Variants in GATAD2B observed in about 807,000 individuals in gnomAD.
The protein encoded by GATAD2B is transcriptional repressor p66-beta.
Under a neutral mutation model 64.3 loss-of-function variants are expected in GATAD2B, and 8 were observed. The observed-to-expected ratio is 0.12, with a 90% CI of 0.07 to 0.22. The LOEUF (loss-of-function observed/expected upper bound fraction) is 0.22. Among genes scored for constraint, GATAD2B ranks in the 10% least tolerant of loss-of-function variants. GATAD2B has a pLI of 1.00. For missense variants in GATAD2B, 453 were observed against 752.0 expected (o/e 0.60, Z 4.65); for synonymous variants, 281 against 271.3 (o/e 1.04, Z -0.35).
At position 153,892,387 on chromosome 1, in the gene GATAD2B, A is replaced by G. The variant is rs987673512; in HGVS notation, c.-2+30346T>C. The stretch of plus-strand genomic sequence containing the variant: ...AGCTGACCAAATATTAAACATACTA[A>G]TAAGTATTCCCTCCTATTGAATCCA... On this transcript the variant is annotated intron_variant, in intron 1 of 10. Coordinates refer to ENST00000368655, the MANE Select transcript of GATAD2B (RefSeq NM_020699.4). 9.9e-5 allele frequency among the ~76,000 whole-genome samples: 15 copies of G among 152,250 alleles called. 1 individual carries two copies. The highest frequency in any genetic ancestry group is 2.2e-4 in the African/African-American group (9 of 41,570).
In GATAD2B at chr1:153,902,890, T is replaced by C. The variant is rs183977610; in HGVS notation, c.-2+19843A>G. Among the ~76,000 whole-genome samples the C allele has an allele frequency of 1.9e-3, 282 of 152,328 alleles. 1 individual carries two copies. Among genetic ancestry groups the C allele is most frequent in the African/African-American group, 6.5e-3 (270 of 41,584 alleles). On this transcript the variant is annotated intron_variant, in intron 1 of 10. Transcript: ENST00000368655. ...TAGTAGGCATACAAGAAATGTTATG[T>C]GGAGGCCTTTGCAGTTTCCCACAAC...
chr1:153,841,491 T>A (rs1174692821), intron 1 of GATAD2B, among the ~76,000 whole-genome samples: 3 of 152,206 alleles, frequency 2.0e-5, no homozygotes, highest in Non-Finnish European at 4.4e-5. Flanking sequence ...AAGCCACTAA[T>A]CTGTTCTCCA....
chr1:153,901,099 A>G (rs928569767), intron 1 of GATAD2B, among the ~76,000 whole-genome samples: 3 of 152,056 alleles, frequency 2.0e-5, no homozygotes, highest in African/African-American at 7.2e-5. Flanking sequence ...CTGTAATCCA[A>G]GCTACTCAGG....
chr1:153,833,228 G>C (rs1675139824), intron 1 of GATAD2B, among the ~76,000 whole-genome samples: 1 of 151,728 alleles, frequency 6.6e-6, no homozygotes, highest in Admixed American at 6.6e-5. Context: ...TTAGAAAAAA[G>C]GTAAGAATTA....
At chr1:153,874,628 G>A (rs1676768061) in intron 1 of GATAD2B, among the ~76,000 whole-genome samples, 1 of 152,040 alleles carries the variant, frequency 6.6e-6, no homozygotes, top group Non-Finnish European at 1.5e-5. Flanking sequence ...CCAGGCTGGA[G>A]TGCAGTGGCG....
chr1:153,819,894 T>A (rs1674617930), intron 2 of GATAD2B, among the ~76,000 whole-genome samples, 159 bp from the exon 3 acceptor site: 1 of 151,464 alleles, frequency 6.6e-6, no homozygotes, highest in South Asian at 2.1e-4. Context: ...GGGTCAGGAG[T>A]TCGAGACCAG....
intron 1 of GATAD2B, among the ~76,000 whole-genome samples, chr1:153,847,053 G>A (rs1021567962): frequency 6.6e-6 from 1 of 151,936 alleles, no homozygotes; most frequent in African/African-American, 2.4e-5. Context: ...TGCAACCTCT[G>A]CTTCCTGGTT....
intron 1 of GATAD2B, among the ~76,000 whole-genome samples, chr1:153,845,419 A>G (rs947338371): frequency 6.6e-6 from 1 of 152,020 alleles, no homozygotes; most frequent in African/African-American, 2.4e-5. Context: ...CAGCCTATGC[A>G]AAATAGTGAT....
At chr1:153,912,869 G>A (rs984843427) in intron 1 of GATAD2B, among the ~76,000 whole-genome samples, 1 of 152,060 alleles carries the variant, frequency 6.6e-6, no homozygotes, top group African/African-American at 2.4e-5. Context: ...GAGGCAGGCG[G>A]ATCACCTGAG....
At chr1:153,864,451 T>C (rs1214718377) in intron 1 of GATAD2B, among the ~76,000 whole-genome samples, 2 of 152,140 alleles carry the variant, frequency 1.3e-5, no homozygotes, top group African/African-American at 2.4e-5. Flanking sequence ...ACCTTGTCTC[T>C]ACAAAAAATT....
In GATAD2B at chr1:153,868,738, CT is replaced by C. The variant is rs1269590974; in HGVS notation, c.-1-40391del. On this transcript the variant is annotated intron_variant, in intron 1 of 10. Coordinates refer to ENST00000368655, the MANE Select transcript of GATAD2B (RefSeq NM_020699.4). ...TTCCCACTAATATATATACTATATA[CT>C]TTTTTTTTTTTTTTTTGAGAGATTC... 7.2e-3 allele frequency among the ~76,000 whole-genome samples: 1,002 copies of C among 139,150 alleles called. 3 individuals are homozygous for C. The highest frequency in any genetic ancestry group is 7.8e-3 in the Non-Finnish European group (499 of 63,940). 91.3% of individuals were successfully genotyped at this position (139,150 alleles called of 152,430 possible). A position where few individuals can be genotyped will look rare whatever the true frequency, so the allele number is the denominator to read the frequency against.
intron 7 of GATAD2B, among the ~76,000 whole-genome samples, chr1:153,815,512 G>A (rs779688288): frequency 5.3e-5 from 8 of 151,540 alleles, no homozygotes; most frequent in African/African-American, 1.7e-4. Context: ...CCCCTTCACC[G>A]TAGTTGTTTC....
intron 1 of GATAD2B, among the ~76,000 whole-genome samples, chr1:153,845,949 C>G (rs921682531): frequency 1.6e-4 from 23 of 145,038 alleles, no homozygotes; most frequent in African/African-American, 6.0e-4. Context: ...CTACCGCCCC[C>G]CCCCCGCCCC....
intron 1 of GATAD2B, among the ~76,000 whole-genome samples, chr1:153,897,643 C>T (rs2101956636): frequency 6.6e-6 from 1 of 152,144 alleles, no homozygotes; most frequent in South Asian, 2.1e-4. Flanking sequence ...TAAGTTTCTG[C>T]TTAAGAAAAA....
At position 153,911,046 on chromosome 1, in the gene GATAD2B, G is replaced by A. The variant is rs930319700; in HGVS notation, c.-2+11687C>T. Among the ~76,000 whole-genome samples the A allele has an allele frequency of 5.3e-5, 8 of 152,252 alleles. No individual in the cohort carries two copies. The East Asian group carries it at 1.5e-3, about 29-fold the overall frequency. ...CTCTAAAATATTTCGGTTCACAGAA[G>A]CTTTAAGAGTATCAGTGAGAAATTC... is the stretch of plus-strand genomic sequence containing the variant. On this transcript the variant is annotated intron_variant, in intron 1 of 10. Transcript: ENST00000368655.
chr1:153,838,968 G>T (rs1675371969), intron 1 of GATAD2B, among the ~76,000 whole-genome samples: 1 of 151,944 alleles, frequency 6.6e-6, no homozygotes, highest in South Asian at 2.1e-4. Flanking sequence ...AAATTGCCGG[G>T]TGTGGTGGTG....
chr1:153,921,617 C>T (rs1678433394), intron 1 of GATAD2B, among the ~76,000 whole-genome samples: 1 of 152,126 alleles, frequency 6.6e-6, no homozygotes, highest in South Asian at 2.1e-4. Flanking sequence ...CGCACACACA[C>T]ACGCCCCCCA....
chr1:153,810,385 C>G (rs1674253897), intron 10 of GATAD2B, 75 bp from the exon 11 acceptor site: 1 of 1,488,970 alleles, frequency 6.7e-7, no homozygotes, highest in African/African-American at 1.4e-5. Context: ...TACCCTCGGG[C>G]TGCAGAGTTG....
In GATAD2B at chr1:153,808,523, G is replaced by C. The variant is rs1221871477; in HGVS notation, c.*1654C>G. 1 of 152,584 alleles carries C rather than the reference G, an allele frequency of 6.6e-6. No homozygotes were observed. The highest frequency in any genetic ancestry group is 1.5e-5 in the Non-Finnish European group (1 of 68,032). The allele number at this position is 152,584 out of a possible 1,614,324, so 9.5% of individuals were successfully genotyped here. On this transcript the variant is annotated 3_prime_UTR_variant, in exon 11 of 11. Coordinates refer to ENST00000368655, the MANE Select transcript of GATAD2B (RefSeq NM_020699.4). ...AAATAAAAGTGGGGAAACTTCCTCA[G>C]GTGACTTTCAAGGGCAAAATATTAA...
Sources: allele counts gnomAD v4.1 joint callset (sites outside exome capture counted in the v4.1 genomes callset), GRCh38; gene constraint gnomAD v4.1.1; transcripts MANE v1.5; gene names NCBI Gene and HGNC (gene_info 2026-07-23, HGNC 2026-07-21).